TIAM1: variants seen among roughly 807,000 people sequenced by gnomAD.
The protein encoded by TIAM1 is TIAM Rac1 associated GEF 1, also known as rho guanine nucleotide exchange factor TIAM1.
Under a neutral mutation model 163.5 loss-of-function variants are expected in TIAM1, and 65 were observed. The observed-to-expected ratio is 0.40, with a 90% CI of 0.33 to 0.49. The LOEUF (loss-of-function observed/expected upper bound fraction) is 0.49, where lower values mean the gene tolerates loss of function less well. Ranked by LOEUF, TIAM1 falls within the 20% of genes least tolerant of loss-of-function variation. The pLI, the probability that TIAM1 is intolerant of heterozygous loss-of-function variation, is 0.77. For synonymous variants in TIAM1, 833 were observed against 810.1 expected (o/e 1.03, Z -0.48); for missense variants, 1,789 against 2,044.7 (o/e 0.87, Z 2.41).
chr21:31,175,804 G>A (rs907846263), intron 15 of TIAM1, among the ~76,000 whole-genome samples: 7 of 152,056 alleles, frequency 4.6e-5, no homozygotes, highest in African/African-American at 7.2e-5. Flanking sequence ...CCACCATGTC[G>A]GTCAGGCTGG....
intron 1 of TIAM1, among the ~76,000 whole-genome samples, chr21:31,533,385 C>G (rs1192243855): frequency 6.6e-6 from 1 of 152,146 alleles, no homozygotes; most frequent in Non-Finnish European, 1.5e-5. Flanking sequence ...AAAGGTTAAA[C>G]AGAATTTCAT....
At chr21:31,196,558 G>C (rs1035197235) in intron 12 of TIAM1, among the ~76,000 whole-genome samples, 1 of 148,492 alleles carries the variant, frequency 6.7e-6, no homozygotes, top group Non-Finnish European at 1.5e-5. Flanking sequence ...GACCTCAAAT[G>C]ATCCGCCCAC....
At chr21:31,135,374 C>T (rs2082580040) in intron 23 of TIAM1, among the ~76,000 whole-genome samples, 1 of 152,146 alleles carries the variant, frequency 6.6e-6, no homozygotes, top group Non-Finnish European at 1.5e-5. Flanking sequence ...AAGTCATTCG[C>T]AAACATCTCT....
intron 2 of TIAM1, among the ~76,000 whole-genome samples, chr21:31,285,192 C>T (rs1027853189): frequency 3.3e-5 from 5 of 152,154 alleles, no homozygotes; most frequent in Non-Finnish European, 7.4e-5. Context: ...AGCCACCCCC[C>T]CAAGCCAATT....
chr21:31,340,057 A>G (rs576376386), intron 1 of TIAM1, among the ~76,000 whole-genome samples: 1 of 152,100 alleles, frequency 6.6e-6, no homozygotes, highest in East Asian at 1.9e-4. Flanking sequence ...CTGATTCACT[A>G]CCCAAAATGT....
In TIAM1 at chr21:31,446,899, G is replaced by T. The variant is rs79101774; in HGVS notation, c.-369+17084C>A. Reference sequence around the variant, plus strand: ...AATACTTTATTCATCTTAAAGAAAAGATTTACTTTGAAGAAAGTAGGGTAG... The same window carrying T: ...AATACTTTATTCATCTTAAAGAAAATATTTACTTTGAAGAAAGTAGGGTAG... On this transcript the variant is annotated intron_variant, in intron 2 of 28. Coordinates refer to the TIAM1 transcript ENST00000286827. Among the ~76,000 whole-genome samples, 776 of 152,262 alleles carry T rather than the reference G, an allele frequency of 5.1e-3. 26 individuals are homozygous for T. The East Asian group carries it at 0.081, about 16-fold the overall frequency.
At chr21:31,423,866 G>A (rs1230729095) in intron 2 of TIAM1, among the ~76,000 whole-genome samples, 2 of 121,802 alleles carry the variant, frequency 1.6e-5, no homozygotes, top group African/African-American at 7.1e-5. Flanking sequence ...GGGGGGGCGG[G>A]GGGGGGGTCA....
Position 31,190,126 on chromosome 21 carries a change from C to T in TIAM1, c.2576-3039G>A, listed in dbSNP as rs76588218. 8.5e-3 allele frequency among the ~76,000 whole-genome samples: 1,292 copies of T among 152,178 alleles called. 24 individuals carry two copies. Among genetic ancestry groups the T allele is most frequent in the African/African-American group, 0.029 (1,225 of 41,548 alleles). ...TAAAATTAAGTGATGAAACTAAGGT[C>T]GGGCGTGGTGGCTCATGCCTATAAT... On this transcript the variant is annotated intron_variant, in intron 13 of 27. Coordinates refer to ENST00000541036, the MANE Select transcript of TIAM1 (RefSeq NM_001353694.2).
At position 31,374,076 on chromosome 21, in the gene TIAM1, G is replaced by A. The variant is rs78850138; in HGVS notation, c.-368-34654C>T. On this transcript the variant is annotated intron_variant, in intron 2 of 28. Coordinates refer to the TIAM1 transcript ENST00000286827. Reference sequence around the variant, plus strand: ...GGTAGCCCCTGAAACCACCAGCCATGCCCTTGTTGGGGAAGCCTCTCATTT... The same window carrying A: ...GGTAGCCCCTGAAACCACCAGCCATACCCTTGTTGGGGAAGCCTCTCATTT... 7.5e-3 allele frequency among the ~76,000 whole-genome samples: 1,148 copies of A among 152,056 alleles called. 12 individuals carry two copies. The highest frequency in any genetic ancestry group is 0.026 in the African/African-American group (1,090 of 41,466).
chr21:31,338,260 TAA>T (rs1436974198), intron 2 of TIAM1, among the ~76,000 whole-genome samples: 2 of 152,158 alleles, frequency 1.3e-5, no homozygotes, highest in African/African-American at 2.4e-5. Context: ...TGGGAAACTC[TAA>T]AAGTTACAGG....
chr21:31,431,509 G>A (rs533124855), intron 2 of TIAM1, among the ~76,000 whole-genome samples: 3 of 152,178 alleles, frequency 2.0e-5, no homozygotes, highest in Non-Finnish European at 4.4e-5. Flanking sequence ...TTTATTCAAT[G>A]TTGCATCCTA....
intron 1 of TIAM1, among the ~76,000 whole-genome samples, chr21:31,522,510 CA>C (rs969058053): frequency 1.7e-3 from 232 of 132,844 alleles, no homozygotes; most frequent in African/African-American, 5.3e-3. Flanking sequence ...AACTCCATCC[CA>C]AAAAAAAAAA....
intron 2 of TIAM1, among the ~76,000 whole-genome samples, chr21:31,444,715 C>T (rs989612915): frequency 6.6e-6 from 1 of 152,078 alleles, no homozygotes; most frequent in African/African-American, 2.4e-5. Flanking sequence ...GAAGAGAACG[C>T]AGGCCAGGCG....
rs951466437 is a variant in TIAM1 at position 31,173,130 on chromosome 21, T to A, written c.2888-8065A>T. On this transcript the variant is annotated intron_variant, in intron 15 of 27. Coordinates refer to ENST00000541036, the MANE Select transcript of TIAM1 (RefSeq NM_001353694.2). Reference sequence around the variant, plus strand: ...ATTACACACATCTACTTTGGTTTCATTCAAGTCCATGTGGGACTTAAGCTT... The same window carrying A: ...ATTACACACATCTACTTTGGTTTCAATCAAGTCCATGTGGGACTTAAGCTT... 2.6e-4 allele frequency among the ~76,000 whole-genome samples: 39 copies of A among 152,198 alleles called. 1 individual carries two copies. Among genetic ancestry groups the A allele is most frequent in the African/African-American group, 9.2e-4 (38 of 41,444 alleles).
chr21:31,142,198 A>C (rs1191036684), intron 20 of TIAM1, among the ~76,000 whole-genome samples: 1 of 151,956 alleles, frequency 6.6e-6, no homozygotes, highest in Admixed American at 6.6e-5. Flanking sequence ...ACAAACTAAT[A>C]ATCATCCGTC....
At chr21:31,323,764 G>A (rs2075394038) in intron 2 of TIAM1, among the ~76,000 whole-genome samples, 1 of 152,190 alleles carries the variant, frequency 6.6e-6, no homozygotes, top group Non-Finnish European at 1.5e-5. Context: ...CCGGGAGGCA[G>A]AGGTTGCAGT....
At chr21:31,219,913 T>G (rs1237570363) in intron 8 of TIAM1, among the ~76,000 whole-genome samples, 2 of 152,196 alleles carry the variant, frequency 1.3e-5, no homozygotes, top group Non-Finnish European at 2.9e-5. Context: ...CTCTTCTCTA[T>G]TTTCATCACT....
At chr21:31,456,260 G>C (rs2045095939) in intron 2 of TIAM1, among the ~76,000 whole-genome samples, 1 of 152,212 alleles carries the variant, frequency 6.6e-6, no homozygotes, top group Non-Finnish European at 1.5e-5. Context: ...TTCTGGAAGG[G>C]TGCAGGAGAG....
At chr21:31,251,357 A>ATTTG (rs987397696) in intron 5 of TIAM1, among the ~76,000 whole-genome samples, 2 of 152,090 alleles carry the variant, frequency 1.3e-5, no homozygotes, top group Non-Finnish European at 2.9e-5. Context: ...TAGCTTATTT[A>ATTTG]TTTGTTTGTT....
Sources: allele counts gnomAD v4.1 joint callset (sites outside exome capture counted in the v4.1 genomes callset), GRCh38; gene constraint gnomAD v4.1.1; transcripts MANE v1.5; gene names NCBI Gene and HGNC (gene_info 2026-07-23, HGNC 2026-07-21).